The following SP1 variants were observed in gnomAD, a reference collection of about 807,000 sequenced individuals.
SP1 encodes the protein Sp1 transcription factor, also known as transcription factor Sp1.
A neutral mutation model predicts 66.3 loss-of-function variants in SP1; 6 were observed. The ratio of observed to expected loss-of-function variants is 0.09; its 90% confidence interval spans 0.05 to 0.18. The LOEUF is 0.18. SP1 is among the 10% of genes least tolerant of loss of function. The pLI is 1.00. For missense variants in SP1, 848 were observed against 964.5 expected (o/e 0.88, Z 1.60); for synonymous variants, 417 against 360.8 (o/e 1.16, Z -1.77).
At chr12:53,391,589 C>T (rs1446119675) in intron 3 of SP1, among the ~76,000 whole-genome samples, 1 of 151,994 alleles carries the variant, frequency 6.6e-6, no homozygotes, top group Non-Finnish European at 1.5e-5. Context: ...TCCCAAAGTG[C>T]TGGGATTACA....
Position 53,411,354 on chromosome 12 carries a change from G to T in SP1, c.*114G>T. 1.2e-6 allele frequency: 1 copy of T among 822,566 alleles called. No homozygotes were observed. 51.0% of individuals were successfully genotyped at this position (822,566 alleles called of 1,614,324 possible). A position where few individuals can be genotyped will look rare whatever the true frequency, so the allele number is the denominator to read the frequency against. On this transcript the variant is annotated 3_prime_UTR_variant, in exon 6 of 6. Coordinates refer to ENST00000327443, the MANE Select transcript of SP1 (RefSeq NM_138473.3). ...GAGCCATGAAGCATTAAAATGCATG[G>T]TGTTGAGAAGAATCAGGAGAGGGAT...
In SP1 at chr12:53,381,661, C is replaced by T; in HGVS notation, c.10C>T (p.Gln4Ter). 6.2e-7 allele frequency: 1 copy of T among 1,602,632 alleles called. No individual in the cohort carries two copies. The highest frequency in any genetic ancestry group is 8.5e-7 in the Non-Finnish European group (1 of 1,175,588). ...TGTTTGTTTTTTAATTATTTTAGAC[C>T]AAGATCACTCCATGGATGAAATGAC... MSD[Q>*]DHSMDEMTAV... is the part of the protein sequence containing the mutation. The change falls in exon 2 of 6, where the codon CAA becomes TAA. Residue 4 changes from glutamine to a stop codon, truncating the protein, a stop_gained and splice_region_variant. Coordinates refer to ENST00000327443, the MANE Select transcript of SP1 (RefSeq NM_138473.3). LOFTEE classifies it high-confidence loss of function.
chr12:53,412,682 A>G lies in SP1; in HGVS notation c.*1442A>G, dbSNP rs1470065242. 6.6e-6 allele frequency: 1 copy of G among 152,664 alleles called. No individual in the cohort carries two copies. Among genetic ancestry groups the G allele is most frequent in the Non-Finnish European group, 1.5e-5 (1 of 68,036 alleles). The allele number at this position is 152,664 out of a possible 1,614,324, so 9.5% of individuals were successfully genotyped here. On this transcript the variant is annotated 3_prime_UTR_variant, in exon 6 of 6. Coordinates refer to ENST00000327443, the MANE Select transcript of SP1 (RefSeq NM_138473.3). ...ATGGGAATGATAGCCCAGAACAAAA[A>G]GAAATCTTGTCTTACCACAGTGTTT...
Position 53,382,248 on chromosome 12 carries a change from T to G in SP1, c.301T>G (p.Ser101Ala). The G allele has an allele frequency of 6.2e-7, 1 of 1,614,158 alleles. No homozygotes were observed. The highest frequency in any genetic ancestry group is 8.5e-7 in the Non-Finnish European group (1 of 1,180,030). The change falls in exon 3 of 6, where the codon TCA (serine) becomes GCA (alanine). Residue 101 changes from serine to alanine, a missense_variant. Ser to Ala is a moderately conservative substitution (Grantham distance 99). This residue lies in a region of SP1 where 606 missense variants were observed against 589.9 expected (regional missense o/e 1.03). Coordinates refer to ENST00000327443, the MANE Select transcript of SP1 (RefSeq NM_138473.3). The stretch of plus-strand genomic sequence containing the variant: ...GCTTGACCTCACAGCCACACAACTT[T>G]CACAGGGTGCCAATGGCTGGCAGAT... Reference protein sequence around the residue: ...GELDLTATQLSQGANGWQIIS... With the variant: ...GELDLTATQLAQGANGWQIIS...
chr12:53,386,839 A>G (rs1938239910), intron 3 of SP1, among the ~76,000 whole-genome samples: 1 of 152,056 alleles, frequency 6.6e-6, no homozygotes, highest in Admixed American at 6.6e-5. Flanking sequence ...TTAATAAAGC[A>G]CAATAAAAGG....
At chr12:53,406,012 CTA>C (rs913100007) in intron 3 of SP1, among the ~76,000 whole-genome samples, 2 of 147,088 alleles carry the variant, frequency 1.4e-5, no homozygotes, top group African/African-American at 2.5e-5. Context: ...AAAAAAACAA[CTA>C]TGAGATTTGA....
chr12:53,384,199 G>C lies in SP1; in HGVS notation c.1675+577G>C, dbSNP rs1037129582. On this transcript the variant is annotated intron_variant, in intron 3 of 5. Transcript: ENST00000327443. The stretch of plus-strand genomic sequence containing the variant: ...TGAGCTAGGATGGTCTCGATCTCCT[G>C]ACCTCGTGATCCGCCCGCCTCGGCC... Among the ~76,000 whole-genome samples, 11 of 152,150 alleles carry C rather than the reference G, an allele frequency of 7.2e-5. 1 individual carries two copies. The highest frequency in any genetic ancestry group is 2.4e-4 in the African/African-American group (10 of 41,540).
At chr12:53,385,986 T>C (rs896090263) in intron 3 of SP1, among the ~76,000 whole-genome samples, 2 of 152,206 alleles carry the variant, frequency 1.3e-5, no homozygotes, top group African/African-American at 4.8e-5. Flanking sequence ...ATATTTCTTG[T>C]GAACTGTAAC....
intron 3 of SP1, among the ~76,000 whole-genome samples, chr12:53,389,819 T>G (rs1351404234): frequency 6.6e-6 from 1 of 152,144 alleles, no homozygotes; most frequent in Admixed American, 6.6e-5. Context: ...GATGACTTCT[T>G]GTGAGTTCTG....
intron 3 of SP1, among the ~76,000 whole-genome samples, chr12:53,384,620 C>T (rs1460624858): frequency 2.6e-5 from 4 of 152,086 alleles, no homozygotes; most frequent in Admixed American, 6.6e-5. Context: ...TTTCCACACC[C>T]CTTTAAAAAT....
intron 3 of SP1, among the ~76,000 whole-genome samples, chr12:53,390,645 T>C (rs1244729353): frequency 6.6e-6 from 1 of 151,800 alleles, no homozygotes; most frequent in African/African-American, 2.4e-5. Flanking sequence ...ATCGCACCAC[T>C]GCACTCCAGC....
In SP1 at chr12:53,415,656, A is replaced by T. The variant is rs1047159469; in HGVS notation, c.*4416A>T. The stretch of plus-strand genomic sequence containing the variant: ...TATCAGGGGAAAAAAAAAAAAAAAA[A>T]GCCTAACAAATGGGATTAGACTAGG... On this transcript the variant is annotated 3_prime_UTR_variant, in exon 6 of 6. Coordinates refer to ENST00000327443, the MANE Select transcript of SP1 (RefSeq NM_138473.3). 4.6e-5 allele frequency: 7 copies of T among 151,498 alleles called. No homozygotes were observed. Among genetic ancestry groups the T allele is most frequent in the Non-Finnish European group, 7.4e-5 (5 of 67,822 alleles). The allele number at this position is 151,498 out of a possible 1,614,324, so 9.4% of individuals were successfully genotyped here.
chr12:53,387,649 C>T (rs1207974930), intron 3 of SP1, among the ~76,000 whole-genome samples: 2 of 152,110 alleles, frequency 1.3e-5, no homozygotes, highest in African/African-American at 4.8e-5. Flanking sequence ...GTCTAGGGTG[C>T]AACCTGTTTT....
intron 3 of SP1, among the ~76,000 whole-genome samples, chr12:53,391,960 A>G (rs1938364289): frequency 2.0e-5 from 3 of 151,908 alleles, no homozygotes; most frequent in African/African-American, 7.3e-5. Context: ...ATCCTGAAAA[A>G]CGTTTCTGTA....
intron 1 of SP1, chr12:53,380,650 C>T (rs1938066637): frequency 2.0e-6 from 2 of 994,284 alleles, no homozygotes; most frequent in East Asian, 1.1e-4. Flanking sequence ...GCGAAGGCCC[C>T]GCCCGGGCCA....
rs1462616536 is a variant in SP1, at chr12:53,412,252, T to A, written c.*1012T>A. On this transcript the variant is annotated 3_prime_UTR_variant, in exon 6 of 6. Transcript: ENST00000327443. ...ACAAGAGTCCCTTTGAAGATAATAA[T>A]CTTGGCTCAGTTTGTATAAACTGTC... The A allele has an allele frequency of 6.6e-6, 1 of 152,620 alleles. No individual in the cohort carries two copies. The highest frequency in any genetic ancestry group is 1.5e-5 in the Non-Finnish European group (1 of 68,036). 9.5% of individuals were successfully genotyped at this position (152,620 alleles called of 1,614,324 possible).
intron 3 of SP1, among the ~76,000 whole-genome samples, chr12:53,402,460 G>C (rs971040315): frequency 6.6e-6 from 1 of 151,140 alleles, no homozygotes; most frequent in Non-Finnish European, 1.5e-5. Context: ...CTGACCTCAT[G>C]ATCCACCCGC....
At chr12:53,405,994 A>G (rs1938726930) in intron 3 of SP1, among the ~76,000 whole-genome samples, 1 of 95,570 alleles carries the variant, frequency 1.0e-5, no homozygotes, top group African/African-American at 5.6e-5. Flanking sequence ...CTTAAAGTAT[A>G]ATAATAAAAA....
intron 3 of SP1, among the ~76,000 whole-genome samples, chr12:53,405,496 C>T (rs968319360): frequency 2.0e-5 from 3 of 151,990 alleles, no homozygotes; most frequent in African/African-American, 4.8e-5. Flanking sequence ...GGTGAAACCC[C>T]ATCTCTCCTA....
Sources: gnomAD v4.1 joint callset for allele counts (sites outside exome capture counted in the v4.1 genomes callset) on GRCh38, gnomAD v4.1.1 for gene constraint, gnomAD v4.1.1 regional missense constraint, MANE v1.5 for transcripts, NCBI Gene and HGNC (gene_info 2026-07-23, HGNC 2026-07-21) for gene names.